The following MBOAT7 variants were observed in gnomAD, a reference collection of about 807,000 sequenced individuals.
MBOAT7 encodes the protein membrane-bound acylglycerophosphatidylinositol O-acyltransferase MBOAT7.
In MBOAT7, 40 loss-of-function variants were observed where a neutral mutation model predicts 47.4. The observed-to-expected ratio is 0.84, with a 90% CI of 0.66 to 1.10. MBOAT7 has a LOEUF of 1.10. Among genes scored for constraint, MBOAT7 ranks in the 50% least tolerant of loss-of-function variants. MBOAT7 has a pLI of 0.00. For synonymous variants in MBOAT7, 361 were observed against 292.0 expected (o/e 1.24, Z -2.41); for missense variants, 680 against 655.6 (o/e 1.04, Z -0.41).
rs2076228192 is a variant in MBOAT7, at chr19:54,180,362, T to C, written c.854+411A>G. ...GGGATCCTGCTTCCCTAGCAAATAG[T>C]GGCGTTCTGTTGCTAGGGAACCGTT... is the stretch of plus-strand genomic sequence containing the variant. On this transcript the variant is annotated intron_variant, in intron 6 of 7. Transcript: ENST00000245615. The surrounding 1 kb of genome is among the most constrained non-coding windows in gnomAD (Gnocchi z 5.2). 1 of 165,942 alleles carries C rather than the reference T, an allele frequency of 6.0e-6. No homozygotes were observed. Among genetic ancestry groups the C allele is most frequent in the South Asian group, 1.9e-4 (1 of 5,304 alleles). The allele number at this position is 165,942 out of a possible 1,614,324, so 10.3% of individuals were successfully genotyped here. A position where few individuals can be genotyped will look rare whatever the true frequency, so the allele number is the denominator to read the frequency against.
At position 54,187,307 on chromosome 19, in the gene MBOAT7, G is replaced by T. The variant is rs186566474; in HGVS notation, c.207-20C>A. On this transcript the variant is annotated intron_variant, in intron 3 of 7. Transcript: ENST00000245615. ...CAGGAGCTGGGCAAAAGCAGGAGGC[G>T]CACTGTGTTGGGCACAGAAGTCTCG... 1.9e-6 allele frequency: 3 copies of T among 1,596,608 alleles called. No individual in the cohort carries two copies. Among genetic ancestry groups the T allele is most frequent in the Non-Finnish European group, 2.6e-6 (3 of 1,171,800 alleles).
chr19:54,175,069 A>G (rs370695967), intron 7 of MBOAT7, among the ~76,000 whole-genome samples: 639 of 143,066 alleles, frequency 4.5e-3, no homozygotes, highest in Non-Finnish European at 5.9e-3. Context: ...TCCGCCTCCC[A>G]GGTTCACGCC....
chr19:54,183,604 C>T lies in MBOAT7; in HGVS notation c.410G>A (p.Gly137Glu). 1 of 1,608,688 alleles carries T rather than the reference C, an allele frequency of 6.2e-7. No individual in the cohort carries two copies. Among genetic ancestry groups the T allele is most frequent in the South Asian group, 1.1e-5 (1 of 90,010 alleles). The stretch of plus-strand genomic sequence containing the variant: ...GTCGGGCAGCAGCCCCAGGGTGGGC[C>T]CCTTGCTGAAGCCTGAGGCCATTTC... ...RKEMASGFSK[G>E]PTLGLLPDVP... The change falls in exon 5 of 8, where the codon GGG becomes GAG. Residue 137 changes from glycine (G) to glutamate (E), a missense_variant. Gly to Glu is a moderately conservative substitution (Grantham distance 98). Transcript: ENST00000245615.
At chr19:54,178,684 C>A in intron 7 of MBOAT7, 81 bp downstream of exon 7, 1 of 1,549,192 alleles carries the variant, frequency 6.5e-7, no homozygotes, top group Non-Finnish European at 8.7e-7. Flanking sequence ...GGGGCCCAGC[C>A]AGGGACGCTG....
At chr19:54,177,546 T>C (rs2076143216) in intron 7 of MBOAT7, among the ~76,000 whole-genome samples, 1 of 152,186 alleles carries the variant, frequency 6.6e-6, no homozygotes, top group Non-Finnish European at 1.5e-5. Context: ...CCACCCACCT[T>C]GGCCTCCCAA....
At position 54,181,120 on chromosome 19, in the gene MBOAT7, G is replaced by T; in HGVS notation, c.507C>A (p.Arg169=). 2 of 1,481,206 alleles carry T rather than the reference G, an allele frequency of 1.4e-6. No homozygotes were observed. The highest frequency in any genetic ancestry group is 1.4e-5 in the African/African-American group (1 of 71,190). The allele number at this position is 1,481,206 out of a possible 1,614,324, so 91.8% of individuals were successfully genotyped here. A position where few individuals can be genotyped will look rare whatever the true frequency, so the allele number is the denominator to read the frequency against. ...CCAGCCAGTCCAGGTAGGTGCGGTA[G>T]CGGAAGAACGGGCCTGTGGGGCGGG... ...YVGIMTGPFF[R]YRTYLDWLEQ... The change falls in exon 6 of 8, where the codon CGC becomes CGA. Residue 169 remains arginine, a synonymous_variant. Coordinates refer to ENST00000245615, the MANE Select transcript of MBOAT7 (RefSeq NM_024298.5).
chr19:54,173,975 T>G lies in MBOAT7; in HGVS notation c.*69A>C. 6.7e-7 allele frequency: 1 copy of G among 1,490,654 alleles called. No individual in the cohort carries two copies. The highest frequency in any genetic ancestry group is 8.9e-7 in the Non-Finnish European group (1 of 1,119,126). 92.3% of individuals were successfully genotyped at this position (1,490,654 alleles called of 1,614,324 possible). ...CCCTCTCCAAGGTAAGGACTCTTTC[T>G]GGGGAGGAGACAGCAGCCTGGTTCA... is the stretch of plus-strand genomic sequence containing the variant. On this transcript the variant is annotated 3_prime_UTR_variant, in exon 8 of 8. Coordinates refer to ENST00000245615, the MANE Select transcript of MBOAT7 (RefSeq NM_024298.5).
chr19:54,188,073 A>AGAAAAGAAAAGAAAAGAAAAGAAAG lies in MBOAT7; in HGVS notation c.206+143_206+144insCTTTCTTTTCTTTTCTTTTCTTTTC, dbSNP rs1555842646. The AGAAAAGAAAAGAAAAGAAAAGAAAG allele has an allele frequency of 1.3e-5, 8 of 633,048 alleles. No individual in the cohort carries two copies. The African/African-American group carries it at 1.9e-4, about 15-fold the overall frequency. The allele number at this position is 633,048 out of a possible 1,614,324, so 39.2% of individuals were successfully genotyped here. A position where few individuals can be genotyped will look rare whatever the true frequency, so the allele number is the denominator to read the frequency against. Reference sequence around the variant, plus strand: ...AGAAAGAAAGAAAGAAAGAAAGACAAACAAACAAACATGAAACAGAGAAAT... The same window carrying AGAAAAGAAAAGAAAAGAAAAGAAAG: ...AGAAAGAAAGAAAGAAAGAAAGACAAGAAAAGAAAAGAAAAGAAAAGAAAGACAAACAAACATGAAACAGAGAAAT... On this transcript the variant is annotated intron_variant, in intron 3 of 7. Coordinates refer to ENST00000245615, the MANE Select transcript of MBOAT7 (RefSeq NM_024298.5).
chr19:54,180,900 T>C lies in MBOAT7; in HGVS notation c.727A>G (p.Met243Val), dbSNP rs1404329464. The C allele has an allele frequency of 9.4e-6, 15 of 1,597,532 alleles. No individual in the cohort carries two copies. Among genetic ancestry groups the C allele is most frequent in the Admixed American group, 3.5e-5 (2 of 56,352 alleles). The change falls in exon 6 of 8, where the codon ATG (methionine) becomes GTG (valine). Residue 243 changes from methionine to valine, a missense_variant. Met to Val is a conservative substitution (Grantham distance 21). Coordinates refer to ENST00000245615, the MANE Select transcript of MBOAT7 (RefSeq NM_024298.5). The surrounding 1 kb of genome is among the most constrained non-coding windows in gnomAD (Gnocchi z 5.2). ...YMIPVFFAFRMRFYVAWIAAE... is the reference protein window; with the variant it reads ...YMIPVFFAFRVRFYVAWIAAE... Reference sequence around the variant, plus strand: ...GCAATCCAGGCCACGTAGAAGCGCATGCGGAAGGCGAAGAAGACGGGGATC... The same window carrying C: ...GCAATCCAGGCCACGTAGAAGCGCACGCGGAAGGCGAAGAAGACGGGGATC...
rs761899500 is a variant in MBOAT7 at position 54,178,765 on chromosome 19, C to T, written c.1031G>A (p.Arg344Gln). 4 of 1,613,256 alleles carry T rather than the reference C, an allele frequency of 2.5e-6. No homozygotes were observed. Among genetic ancestry groups the T allele is most frequent in the East Asian group, 2.2e-5 (1 of 44,890 alleles). ...KSAPARSYVL[R>Q]SAWTMLLSAY... ...CCTGAGACTGGGCGGGCTCACTCAC[C>T]GCAGGACATAGGAACGGGCAGGTGC... Residue 344 changes from arginine to glutamine, a missense_variant and splice_region_variant, in exon 7 of 8, where the codon CGG (arginine) becomes CAG (glutamine). Physicochemically the swap from Arg to Gln is conservative, Grantham distance 43. Coordinates refer to ENST00000245615, the MANE Select transcript of MBOAT7 (RefSeq NM_024298.5).
chr19:54,187,383 C>A, intron 3 of MBOAT7, 96 bp from the exon 4 acceptor site: 1 of 1,421,916 alleles, frequency 7.0e-7, no homozygotes, highest in Admixed American at 2.5e-5. Flanking sequence ...CCCCAGCTCT[C>A]CCCATTCGTT....
rs1489004884 is a variant in MBOAT7 at position 54,185,478 on chromosome 19, C to T, written c.333+1683G>A. Among the ~76,000 whole-genome samples, 7 of 152,152 alleles carry T rather than the reference C, an allele frequency of 4.6e-5. No individual in the cohort carries two copies. The East Asian group carries it at 1.2e-3, about 25-fold the overall frequency. Reference sequence around the variant, plus strand: ...GGCACCATCCCTTCTTGCTCTTCTACATCCTGCCCAATTGGTGGCCACTCC... The same window carrying T: ...GGCACCATCCCTTCTTGCTCTTCTATATCCTGCCCAATTGGTGGCCACTCC... On this transcript the variant is annotated intron_variant, in intron 4 of 7. Transcript: ENST00000245615.
Position 54,180,705 on chromosome 19 carries a change from A to G in MBOAT7, c.854+68T>C. 1.4e-6 allele frequency: 2 copies of G among 1,402,820 alleles called. No individual in the cohort carries two copies. Among genetic ancestry groups the G allele is most frequent in the Non-Finnish European group, 1.9e-6 (2 of 1,071,288 alleles). 86.9% of individuals were successfully genotyped at this position (1,402,820 alleles called of 1,614,324 possible). A position where few individuals can be genotyped will look rare whatever the true frequency, so the allele number is the denominator to read the frequency against. Reference sequence around the variant, plus strand: ...CTTGCTCCCCGCTCTCCTCCCGGCTAGGGGCAGAGCCAGCCCTTGGAGGTG... The same window carrying G: ...CTTGCTCCCCGCTCTCCTCCCGGCTGGGGGCAGAGCCAGCCCTTGGAGGTG... On this transcript the variant is annotated intron_variant, in intron 6 of 7. Coordinates refer to ENST00000245615, the MANE Select transcript of MBOAT7 (RefSeq NM_024298.5). The surrounding 1 kb of genome is among the most constrained non-coding windows in gnomAD (Gnocchi z 5.2).
chr19:54,178,824 C>T lies in MBOAT7; in HGVS notation c.972G>A (p.Val324=), dbSNP rs773559537. Residue 324 remains valine, a synonymous_variant, in exon 7 of 8, where the codon GTG becomes GTA. Transcript: ENST00000245615. ...RDGMRYWNMT[V]QWWLAQYIYK... is the part of the protein sequence containing the mutation. ...AGATATACTGCGCCAGCCACCACTG[C>T]ACCGTCATGTTCCAGTACCGCATGC... The T allele has an allele frequency of 6.2e-7, 1 of 1,613,652 alleles. No individual in the cohort carries two copies. Among genetic ancestry groups the T allele is most frequent in the Non-Finnish European group, 8.5e-7 (1 of 1,180,034 alleles).
At chr19:54,176,754 A>C (rs2076118468) in intron 7 of MBOAT7, among the ~76,000 whole-genome samples, 1 of 151,908 alleles carries the variant, frequency 6.6e-6, no homozygotes, top group Non-Finnish European at 1.5e-5. Flanking sequence ...CCAGAGCTTT[A>C]AGCGTCATCT....
chr19:54,183,511 C>A lies in MBOAT7; in HGVS notation c.493+10G>T. 6.2e-7 allele frequency: 1 copy of A among 1,606,106 alleles called. No individual in the cohort carries two copies. The highest frequency in any genetic ancestry group is 1.1e-5 in the South Asian group (1 of 89,576). ...CAGAGCGGCAGAGTTGTTAGGGCAGCCCCACTCACCTGTCATGATTCCCAC... is the reference window on the plus strand; with the variant it reads ...CAGAGCGGCAGAGTTGTTAGGGCAGACCCACTCACCTGTCATGATTCCCAC... On this transcript the variant is annotated intron_variant, in intron 5 of 7. Transcript: ENST00000245615.
chr19:54,181,490 T>C (rs1472075729), intron 5 of MBOAT7, among the ~76,000 whole-genome samples: 1 of 150,658 alleles, frequency 6.6e-6, no homozygotes, highest in Admixed American at 6.6e-5. Flanking sequence ...ACCCCATCAC[T>C]ACAAAAAATA....
intron 6 of MBOAT7, 74 bp from the exon 7 acceptor site, chr19:54,179,015 C>T (rs1402870205): frequency 5.8e-6 from 9 of 1,554,520 alleles, no homozygotes; most frequent in Non-Finnish European, 7.8e-6. Context: ...CTGCTAGTGT[C>T]CCAGCCCCGG....
intron 5 of MBOAT7, among the ~76,000 whole-genome samples, chr19:54,182,051 A>G (rs761819164): frequency 1.7e-5 from 2 of 119,432 alleles, no homozygotes; most frequent in African/African-American, 6.5e-5. Flanking sequence ...AGGAAGGAAG[A>G]AGGGAAAAGG....
Sources: gnomAD v4.1 joint callset for allele counts (sites outside exome capture counted in the v4.1 genomes callset) on GRCh38, gnomAD v4.1.1 for gene constraint, Gnocchi (gnomAD v3.1) non-coding constraint, MANE v1.5 for transcripts, NCBI Gene and HGNC (gene_info 2026-07-23, HGNC 2026-07-21) for gene names.